Variants in CD47 observed in about 807,000 individuals in gnomAD.
The protein encoded by CD47 is CD47 molecule.
Under a neutral mutation model 44.6 loss-of-function variants are expected in CD47, and 11 were observed. The observed-to-expected ratio is 0.25, with a 90% CI of 0.16 to 0.41. The LOEUF (loss-of-function observed/expected upper bound fraction) is 0.41, where lower values mean the gene tolerates loss of function less well. Ranked by LOEUF, CD47 falls within the 10% of genes least tolerant of loss-of-function variation. CD47 has a pLI of 1.00. For synonymous variants in CD47, 140 were observed against 136.3 expected, an observed-to-expected ratio of 1.03 and a Z score of -0.19; for missense variants, 306 against 386.7, an observed-to-expected ratio of 0.79 and a Z score of 1.75.
chr3:108,060,957 T>A, intron 3 of CD47, 105 bp from the exon 4 acceptor site: 1 of 704,216 alleles, frequency 1.4e-6, no homozygotes. Flanking sequence ...TATAATGTAA[T>A]AACTTATGAG....
chr3:108,088,391 A>G (rs1458712200), intron 1 of CD47, among the ~76,000 whole-genome samples: 2 of 152,232 alleles, frequency 1.3e-5, no homozygotes, highest in Admixed American at 6.5e-5. Context: ...AGCATGAGCA[A>G]GTGTCCTAAT....
intron 1 of CD47, among the ~76,000 whole-genome samples, chr3:108,090,447 C>T (rs1488415158): frequency 1.3e-5 from 2 of 152,194 alleles, no homozygotes; most frequent in African/African-American, 4.8e-5. Flanking sequence ...CCTCCCTCAA[C>T]CCCAAATGCG....
chr3:108,086,386 C>T (rs918948430), intron 1 of CD47, among the ~76,000 whole-genome samples: 2 of 152,018 alleles, frequency 1.3e-5, no homozygotes, highest in African/African-American at 4.8e-5. Flanking sequence ...CTAAAACTTA[C>T]AGTAATCAAC....
intron 7 of CD47, among the ~76,000 whole-genome samples, chr3:108,057,042 G>A (rs369117110): frequency 6.6e-6 from 1 of 152,234 alleles, no homozygotes; most frequent in East Asian, 1.9e-4. Flanking sequence ...AAGAGCAAGT[G>A]ACAAACAAAC....
At chr3:108,072,685 A>G (rs565034635) in intron 2 of CD47, among the ~76,000 whole-genome samples, 84 of 152,320 alleles carry the variant, frequency 5.5e-4, no homozygotes, top group Admixed American at 1.1e-3. Context: ...AAGAAAAGTC[A>G]CTTCAGTATA....
At chr3:108,084,367 A>C (rs1197053649) in intron 1 of CD47, among the ~76,000 whole-genome samples, 2 of 151,908 alleles carry the variant, frequency 1.3e-5, no homozygotes, top group Non-Finnish European at 2.9e-5. Context: ...GTATCTCCTG[A>C]TTACGAATTT....
chr3:108,064,926 C>A (rs1560002190), intron 3 of CD47, among the ~76,000 whole-genome samples: 1 of 152,138 alleles, frequency 6.6e-6, no homozygotes, highest in Non-Finnish European at 1.5e-5. Flanking sequence ...CATAAAATTA[C>A]AATTTCATTT....
chr3:108,067,487 G>A (rs1175836694), intron 3 of CD47, among the ~76,000 whole-genome samples: 1 of 152,154 alleles, frequency 6.6e-6, no homozygotes, highest in Non-Finnish European at 1.5e-5. Flanking sequence ...AGGACTAGGT[G>A]GACAGCACTT....
In CD47 at chr3:108,045,325, C is replaced by T. The variant is rs899245031; in HGVS notation, c.*1963G>A. 28 of 152,506 alleles carry T rather than the reference C, an allele frequency of 1.8e-4. No homozygotes were observed. Among genetic ancestry groups the T allele is most frequent in the African/African-American group, 6.8e-4 (28 of 41,398 alleles). The allele number at this position is 152,506 out of a possible 1,614,324, so 9.4% of individuals were successfully genotyped here. A position where few individuals can be genotyped will look rare whatever the true frequency, so the allele number is the denominator to read the frequency against. On this transcript the variant is annotated 3_prime_UTR_variant, in exon 11 of 11. Transcript: ENST00000361309. Reference sequence around the variant, plus strand: ...TAGGAGCTTGGATCTTTTTCAAGTCCATCTGCTTTTCCCTCCTTTCATCAA... The same window carrying T: ...TAGGAGCTTGGATCTTTTTCAAGTCTATCTGCTTTTCCCTCCTTTCATCAA...
intron 8 of CD47, 85 bp downstream of exon 8, chr3:108,051,854 G>T: frequency 9.8e-7 from 1 of 1,017,202 alleles, no homozygotes; most frequent in Non-Finnish European, 1.6e-6. Flanking sequence ...AGACAAAACA[G>T]ATAGCAAAAT....
Position 108,059,540 on chromosome 3 carries a change from T to C in CD47, c.603A>G (p.Glu201=). Reference sequence around the variant, plus strand: ...GGCCAGTAGCATTCTTTAATGAATATTCACCTGTCAATAAATAAAAACATT... The same window carrying C: ...GGCCAGTAGCATTCTTTAATGAATACTCACCTGTCAATAAATAAAAACATT... The part of the protein sequence containing the change: ...IVGAILFVPG[E]YSLKNATGLG... The change falls in exon 5 of 11, where the codon GAA becomes GAG. Residue 201 remains glutamate, a synonymous_variant. Coordinates refer to ENST00000361309, the MANE Select transcript of CD47 (RefSeq NM_001777.4). 1 of 1,416,458 alleles carries C rather than the reference T, an allele frequency of 7.1e-7. No individual in the cohort carries two copies. The highest frequency in any genetic ancestry group is 9.6e-7 in the Non-Finnish European group (1 of 1,041,176). 87.7% of individuals were successfully genotyped at this position (1,416,458 alleles called of 1,614,324 possible). A position where few individuals can be genotyped will look rare whatever the true frequency, so the allele number is the denominator to read the frequency against.
At chr3:108,086,633 G>C (rs1363217376) in intron 1 of CD47, among the ~76,000 whole-genome samples, 1 of 152,184 alleles carries the variant, frequency 6.6e-6, no homozygotes, top group Non-Finnish European at 1.5e-5. Flanking sequence ...TTAAGTGGCA[G>C]TGATTCTTTT....
At chr3:108,065,060 A>G (rs1275766542) in intron 3 of CD47, among the ~76,000 whole-genome samples, 1 of 152,248 alleles carries the variant, frequency 6.6e-6, no homozygotes, top group East Asian at 1.9e-4. Flanking sequence ...ATTAATACCA[A>G]TTATAAAATT....
chr3:108,072,538 A>G (rs2079223684), intron 2 of CD47, among the ~76,000 whole-genome samples: 1 of 152,224 alleles, frequency 6.6e-6, no homozygotes, highest in Non-Finnish European at 1.5e-5. Flanking sequence ...TGCAATGGTC[A>G]TAAGACAGTT....
At chr3:108,056,878 A>C (rs1237186307) in intron 7 of CD47, among the ~76,000 whole-genome samples, 2 of 152,198 alleles carry the variant, frequency 1.3e-5, no homozygotes, top group Non-Finnish European at 2.9e-5. Flanking sequence ...AAAAGGAGTA[A>C]AAGCCTAAAT....
chr3:108,051,624 G>A (rs2078830029), intron 8 of CD47: 6 of 487,992 alleles, frequency 1.2e-5, no homozygotes, highest in Non-Finnish European at 1.2e-5. Context: ...AATCCAACAG[G>A]TGAGGTGATA....
At chr3:108,056,262 A>G (rs1404159093) in intron 7 of CD47, among the ~76,000 whole-genome samples, 2 of 152,240 alleles carry the variant, frequency 1.3e-5, no homozygotes, top group African/African-American at 4.8e-5. Flanking sequence ...GTGGTATAAA[A>G]TTAGAAAATT....
chr3:108,062,910 T>A (rs1317849034), intron 3 of CD47, among the ~76,000 whole-genome samples: 1 of 151,544 alleles, frequency 6.6e-6, no homozygotes, highest in Non-Finnish European at 1.5e-5. Context: ...TGCCACGGCC[T>A]CCCAAAGTGC....
At chr3:108,067,534 A>G (rs1236384209) in intron 3 of CD47, among the ~76,000 whole-genome samples, 2 of 152,232 alleles carry the variant, frequency 1.3e-5, no homozygotes, top group Non-Finnish European at 2.9e-5. Context: ...AATCCTGAAA[A>G]TCAGCCAGGA....
Sources: allele counts gnomAD v4.1 joint callset (sites outside exome capture counted in the v4.1 genomes callset), GRCh38; gene constraint gnomAD v4.1.1; transcripts MANE v1.5; gene names NCBI Gene and HGNC (gene_info 2026-07-23, HGNC 2026-07-21).